Variants in IDE observed in about 807,000 individuals in gnomAD.
IDE encodes the protein insulin degrading enzyme.
In IDE, 58 loss-of-function variants were observed where a neutral mutation model predicts 133.2. The ratio of observed to expected loss-of-function variants is 0.44; its 90% CI spans 0.35 to 0.54. The LOEUF (loss-of-function observed/expected upper bound fraction) is 0.54, where lower values mean the gene tolerates loss of function less well. Ranked by LOEUF, IDE falls within the 20% of genes least tolerant of loss-of-function variation. The pLI, the probability that IDE is intolerant of heterozygous loss-of-function variation, is 0.00. For missense variants in IDE, 981 were observed against 1,234.0 expected (o/e 0.79, Z 3.07); for synonymous variants, 396 against 421.3 (o/e 0.94, Z 0.73).
chr10:92,495,458 A>T (rs1847629925), intron 11 of IDE, among the ~76,000 whole-genome samples: 1 of 151,792 alleles, frequency 6.6e-6, no homozygotes, highest in African/African-American at 2.4e-5. Context: ...CGACCTTGTG[A>T]TCCGCCCACC....
At chr10:92,454,651 T>G in intron 24 of IDE, 112 bp from the exon 25 acceptor site, 1 of 733,942 alleles carries the variant, frequency 1.4e-6, no homozygotes, top group East Asian at 2.7e-5. Context: ...TAATATACTG[T>G]TTTTTTGTTT....
chr10:92,487,455 G>T, intron 12 of IDE, 137 bp from the exon 13 acceptor site: 2 of 753,030 alleles, frequency 2.7e-6, no homozygotes, highest in Non-Finnish European at 4.1e-6. Context: ...TATAAAAGAG[G>T]TACTACCAAA....
intron 1 of IDE, among the ~76,000 whole-genome samples, chr10:92,573,568 A>T (rs906746471): frequency 8.6e-5 from 13 of 151,312 alleles, no homozygotes; most frequent in Non-Finnish European, 1.5e-4. Context: ...TCACAGGCGG[A>T]CTCCGGGAGA....
At chr10:92,461,376 A>T in intron 21 of IDE, 124 bp from the exon 22 acceptor site, 1 of 467,018 alleles carries the variant, frequency 2.1e-6, no homozygotes, top group Non-Finnish European at 3.9e-6. Flanking sequence ...TTTTTTTGAG[A>T]CAGAGTTTCA....
chr10:92,515,032 A>G lies in IDE; in HGVS notation c.672T>C (p.Tyr224=), dbSNP rs1848828742. 1.3e-6 allele frequency: 2 copies of G among 1,595,070 alleles called. No homozygotes were observed. The highest frequency in any genetic ancestry group is 2.3e-5 in the South Asian group (2 of 86,260). Residue 224 remains tyrosine (Y), a synonymous_variant, in exon 5 of 25, where the codon TAT becomes TAC. Transcript: ENST00000265986. The stretch of plus-strand genomic sequence containing the variant: ...CTTGGTTTGGTCTAGTCTCCAGAGT[A>G]TATTTGTTACCTGGAAGGGAAGAAA... ...PFSKFGTGNK[Y]TLETRPNQEG...
At chr10:92,488,773 TCTA>T (rs1847169745) in intron 12 of IDE, among the ~76,000 whole-genome samples, 5 of 133,046 alleles carry the variant, frequency 3.8e-5, no homozygotes, top group African/African-American at 1.9e-4. Flanking sequence ...CGAGACTCTG[TCTA>T]AAAAAAAAAA....
intron 4 of IDE, among the ~76,000 whole-genome samples, chr10:92,521,884 G>A (rs980960329): frequency 6.6e-6 from 1 of 151,954 alleles, no homozygotes. Flanking sequence ...GAATTGCTAT[G>A]TTTTAGAGAT....
intron 11 of IDE, among the ~76,000 whole-genome samples, chr10:92,504,537 T>C (rs1325314691): frequency 6.6e-6 from 1 of 152,186 alleles, no homozygotes; most frequent in Non-Finnish European, 1.5e-5. Flanking sequence ...TTTAAAAATG[T>C]CCTCATCTTT....
chr10:92,482,982 G>A (rs775113416), intron 14 of IDE, among the ~76,000 whole-genome samples: 21 of 151,916 alleles, frequency 1.4e-4, no homozygotes, highest in African/African-American at 4.3e-4. Flanking sequence ...GGGTTTCACC[G>A]TGTTAGCCAG....
chr10:92,551,604 C>A (rs1842786653), intron 1 of IDE, among the ~76,000 whole-genome samples: 2 of 149,884 alleles, frequency 1.3e-5, no homozygotes, highest in Admixed American at 1.3e-4. Context: ...ATCAGCTAAT[C>A]ACAAAAGGAC....
intron 1 of IDE, among the ~76,000 whole-genome samples, chr10:92,551,481 T>C (rs1469865124): frequency 2.0e-5 from 3 of 150,824 alleles, no homozygotes; most frequent in African/African-American, 7.3e-5. Flanking sequence ...GGCAGGAGAA[T>C]TGCTTGAACC....
intron 4 of IDE, among the ~76,000 whole-genome samples, chr10:92,518,391 TA>T (rs1849040914): frequency 6.6e-6 from 1 of 152,038 alleles, no homozygotes; most frequent in Non-Finnish European, 1.5e-5. Context: ...AAAATACACG[TA>T]AAAAAAGTAT....
chr10:92,503,653 T>C (rs1848144912), intron 11 of IDE, among the ~76,000 whole-genome samples: 1 of 152,170 alleles, frequency 6.6e-6, no homozygotes, highest in Non-Finnish European at 1.5e-5. Flanking sequence ...TTTGATAATA[T>C]GTCTGGAAAA....
At chr10:92,531,946 G>T in intron 3 of IDE, 29 bp from the exon 4 acceptor site, 2 of 1,432,290 alleles carry the variant, frequency 1.4e-6, no homozygotes, top group Non-Finnish European at 1.9e-6. Context: ...ATTAAAACTT[G>T]AAAGATGTCA....
chr10:92,464,182 G>T (rs1845548161), intron 20 of IDE, among the ~76,000 whole-genome samples, 179 bp from the exon 21 acceptor site: 1 of 152,178 alleles, frequency 6.6e-6, no homozygotes. Context: ...GAGCAGAAGA[G>T]CTCTCTGAAG....
intron 17 of IDE, among the ~76,000 whole-genome samples, chr10:92,471,535 T>C (rs1845964353): frequency 1.3e-5 from 2 of 152,200 alleles, no homozygotes; most frequent in Non-Finnish European, 1.5e-5. Context: ...GTTCATTCTA[T>C]TCCACTGTAC....
rs752808781 is a variant in IDE, at chr10:92,468,931, T to G, written c.2268A>C (p.Lys756Asn). Residue 756 changes from lysine (K) to asparagine (N), a missense_variant, in exon 19 of 25, where the codon AAA becomes AAC. Physicochemically the swap from Lys to Asn is moderately conservative, Grantham distance 94 (BLOSUM62 0). Transcript: ENST00000265986. ...GAACCAGCTGACTTGGAAGGAGAGG[T>G]TTGGTATGAGCATGTTCAATGAGGG... The part of the protein sequence containing the change: ...EDTLIEHAHT[K>N]PLLPSQLVRY... The G allele has an allele frequency of 6.2e-7, 1 of 1,613,292 alleles. No individual in the cohort carries two copies. Among genetic ancestry groups the G allele is most frequent in the South Asian group, 1.1e-5 (1 of 91,054 alleles).
chr10:92,527,479 C>T (rs533276266), intron 4 of IDE, among the ~76,000 whole-genome samples: 1 of 152,126 alleles, frequency 6.6e-6, no homozygotes, highest in Non-Finnish European at 1.5e-5. Flanking sequence ...TAAAAAAAAA[C>T]TTACAGGACT....
At chr10:92,518,401 A>G (rs989471861) in intron 4 of IDE, among the ~76,000 whole-genome samples, 1 of 152,230 alleles carries the variant, frequency 6.6e-6, no homozygotes, top group Non-Finnish European at 1.5e-5. Context: ...TAAAAAAAGT[A>G]TAAGACTATT....
Sources: allele counts gnomAD v4.1 joint callset (sites outside exome capture counted in the v4.1 genomes callset), GRCh38; gene constraint gnomAD v4.1.1; transcripts MANE v1.5; gene names NCBI Gene and HGNC (gene_info 2026-07-23, HGNC 2026-07-21).